CDH12: variants seen among roughly 807,000 people sequenced by gnomAD.
CDH12 encodes cadherin-12.
CDH12 carries 41 observed loss-of-function variants against 74.1 expected under a neutral mutation model. That is an observed-to-expected ratio of 0.55 (90% CI 0.43 to 0.72). The LOEUF (loss-of-function observed/expected upper bound fraction) is 0.72, where lower values mean the gene tolerates loss of function less well. CDH12 is among the 30% of genes least tolerant of loss of function. CDH12 has a pLI of 0.00. For missense variants in CDH12, 945 were observed against 977.2 expected, an observed-to-expected ratio of 0.97 and a Z score of 0.44; for synonymous variants, 399 against 355.0, an observed-to-expected ratio of 1.12 and a Z score of -1.39.
Position 21,802,244 on chromosome 5 carries a change from A to C in CDH12, c.1179T>G (p.Val393=), listed in dbSNP as rs758683736. 1.1e-5 allele frequency: 17 copies of C among 1,613,778 alleles called. No homozygotes were observed. In the African/African-American group the frequency reaches 1.9e-4, roughly 18 times the overall value. The change falls in exon 10 of 15, where the codon GTT becomes GTG. Residue 393 remains valine (V), a synonymous_variant. Coordinates refer to ENST00000382254, the MANE Select transcript of CDH12 (RefSeq NM_004061.5). The part of the protein sequence containing the change: ...VFSKPLYTME[V]YEDTPVGTII... ...TGGTCCCTACCGGAGTGTCTTCATAAACCTCCATGGTGTAGAGCGGCTTGC... is the reference window on the plus strand; with the variant it reads ...TGGTCCCTACCGGAGTGTCTTCATACACCTCCATGGTGTAGAGCGGCTTGC...
intron 3 of CDH12, among the ~76,000 whole-genome samples, chr5:22,221,007 CAG>C (rs752339205): frequency 7.9e-4 from 120 of 151,208 alleles, no homozygotes; most frequent in Non-Finnish European, 1.1e-3. Context: ...CACACACACA[CAG>C]ACACACACAG....
At chr5:22,631,201 T>C (rs1175100094) in intron 1 of CDH12, among the ~76,000 whole-genome samples, 1 of 152,180 alleles carries the variant, frequency 6.6e-6, no homozygotes, top group Non-Finnish European at 1.5e-5. Flanking sequence ...TGTAGATTAG[T>C]TTAGCCATTG....
chr5:22,713,165 G>A (rs541152580), intron 1 of CDH12, among the ~76,000 whole-genome samples: 2 of 112,202 alleles, frequency 1.8e-5, no homozygotes, highest in African/African-American at 3.4e-5. Context: ...TTTTTGAGGT[G>A]GAGTCTTGCT....
At chr5:22,100,856 T>G (rs1328452419) in intron 4 of CDH12, among the ~76,000 whole-genome samples, 1 of 152,154 alleles carries the variant, frequency 6.6e-6, no homozygotes, top group African/African-American at 2.4e-5. Flanking sequence ...TTGAGAATTA[T>G]TCAATAATTT....
chr5:22,431,621 T>A (rs529968852), intron 2 of CDH12, among the ~76,000 whole-genome samples: 3 of 152,206 alleles, frequency 2.0e-5, no homozygotes, highest in Non-Finnish European at 4.4e-5. Flanking sequence ...GGCATTGTTA[T>A]CATAAGAGAT....
intron 1 of CDH12, among the ~76,000 whole-genome samples, chr5:22,807,907 CTG>C (rs1748898699): frequency 6.6e-6 from 1 of 152,094 alleles, no homozygotes; most frequent in Non-Finnish European, 1.5e-5. Flanking sequence ...TTTATAAACA[CTG>C]TACACTTATG....
At chr5:22,741,902 G>A (rs1034865264) in intron 1 of CDH12, among the ~76,000 whole-genome samples, 3 of 152,020 alleles carry the variant, frequency 2.0e-5, no homozygotes, top group Admixed American at 1.3e-4. Flanking sequence ...AACAACAGAC[G>A]AGGGGCAGTG....
intron 3 of CDH12, among the ~76,000 whole-genome samples, chr5:22,296,458 A>G (rs537210658): frequency 2.0e-3 from 298 of 152,268 alleles, no homozygotes; most frequent in African/African-American, 6.8e-3. Context: ...AATCATGAAT[A>G]TTAAAGTAAA....
rs370707103 is a variant in CDH12 at position 22,095,660 on chromosome 5, AC to A, written c.-186-16799del. On this transcript the variant is annotated intron_variant, in intron 4 of 14. Transcript: ENST00000382254. ...AGTACTGCTTTTCTAGGGGGCAAGAACCCCCCAACCCCTTCTCTCCGTGTCT... is the reference window on the plus strand; with the variant it reads ...AGTACTGCTTTTCTAGGGGGCAAGAACCCCCAACCCCTTCTCTCCGTGTCT... 5.5e-3 allele frequency among the ~76,000 whole-genome samples: 830 copies of A among 149,816 alleles called. 4 individuals carry two copies. The highest frequency in any genetic ancestry group is 0.02 in the African/African-American group (789 of 40,442).
At chr5:22,683,035 A>G (rs1741579086) in intron 1 of CDH12, among the ~76,000 whole-genome samples, 1 of 152,116 alleles carries the variant, frequency 6.6e-6, no homozygotes, top group South Asian at 2.1e-4. Context: ...TTTTATTATC[A>G]TTCATTTAAT....
At chr5:21,807,377 CAGATAAG>C (rs1373250116) in intron 9 of CDH12, among the ~76,000 whole-genome samples, 1 of 152,084 alleles carries the variant, frequency 6.6e-6, no homozygotes. Flanking sequence ...AGCCTGGTGT[CAGATAAG>C]CTCTTTACTG....
chr5:22,124,988 T>C lies in CDH12; in HGVS notation c.-186-46126A>G, dbSNP rs1745760788. The stretch of plus-strand genomic sequence containing the variant: ...ACAAACAAAAGGCAAAATAATTGCA[T>C]TTCAGAGGATGTCTGTTCCTGTGTA... On this transcript the variant is annotated intron_variant, in intron 4 of 14. Coordinates refer to ENST00000382254, the MANE Select transcript of CDH12 (RefSeq NM_004061.5). Among the ~76,000 whole-genome samples, 4 of 152,356 alleles carry C rather than the reference T, an allele frequency of 2.6e-5. No homozygotes were observed. The South Asian group carries it at 8.3e-4, about 32-fold the overall frequency.
At chr5:22,676,725 T>C (rs1313339273) in intron 1 of CDH12, among the ~76,000 whole-genome samples, 1 of 152,182 alleles carries the variant, frequency 6.6e-6, no homozygotes, top group East Asian at 1.9e-4. Flanking sequence ...ATTCACAGTG[T>C]GGTAAGTTCT....
chr5:22,490,528 G>GA (rs1253139065), intron 2 of CDH12, among the ~76,000 whole-genome samples: 2 of 145,286 alleles, frequency 1.4e-5, no homozygotes, highest in African/African-American at 2.5e-5. Context: ...CCATTCATAA[G>GA]AAAAAAATTC....
At chr5:22,714,872 T>C (rs868448423) in intron 1 of CDH12, among the ~76,000 whole-genome samples, 5 of 152,234 alleles carry the variant, frequency 3.3e-5, no homozygotes, top group African/African-American at 1.2e-4. Flanking sequence ...ATTTTTTGAA[T>C]GCTTGAACAG....
At chr5:21,864,272 TC>T (rs993439682) in intron 6 of CDH12, among the ~76,000 whole-genome samples, 5 of 152,150 alleles carry the variant, frequency 3.3e-5, no homozygotes, top group Non-Finnish European at 7.3e-5. Context: ...AAAGCACTAC[TC>T]CTCGATGTGT....
rs113478708 is a variant in CDH12 at position 22,108,388 on chromosome 5, T to C, written c.-186-29526A>G. Among the ~76,000 whole-genome samples the C allele has an allele frequency of 3.2e-3, 491 of 152,330 alleles. 9 individuals carry two copies. The highest frequency in any genetic ancestry group is 0.011 in the African/African-American group (477 of 41,570). Reference sequence around the variant, plus strand: ...GTTGGGTATGTCTTTATCAGCAGCATGAAAACAGATTAATACAATGCATAA... The same window carrying C: ...GTTGGGTATGTCTTTATCAGCAGCACGAAAACAGATTAATACAATGCATAA... On this transcript the variant is annotated intron_variant, in intron 4 of 14. Transcript: ENST00000382254.
Position 21,919,601 on chromosome 5 carries a change from A to G in CDH12, c.526+55490T>C, listed in dbSNP as rs144974507. Among the ~76,000 whole-genome samples the G allele has an allele frequency of 6.9e-3, 1,056 of 152,278 alleles. 2 individuals carry two copies. The highest frequency in any genetic ancestry group is 9.7e-3 in the Non-Finnish European group (660 of 68,008). On this transcript the variant is annotated intron_variant, in intron 6 of 14. Transcript: ENST00000382254. ...CGCAGGCCAACCCCTAGCCACGTGC[A>G]GTATTTATTCTGACCATTAGATGTC...
intron 5 of CDH12, among the ~76,000 whole-genome samples, chr5:22,021,716 T>C (rs1456333944): frequency 1.3e-5 from 2 of 152,214 alleles, no homozygotes; most frequent in Non-Finnish European, 2.9e-5. Flanking sequence ...GGTGAGTTAA[T>C]GCTAATAGTT....
Sources: allele counts gnomAD v4.1 joint callset (sites outside exome capture counted in the v4.1 genomes callset), GRCh38; gene constraint gnomAD v4.1.1; transcripts MANE v1.5; gene names NCBI Gene and HGNC (gene_info 2026-07-23, HGNC 2026-07-21).